Variants in ADRA1A observed in about 807,000 individuals in gnomAD.
ADRA1A encodes adrenoceptor alpha 1A.
Under a neutral mutation model 29.6 loss-of-function variants are expected in ADRA1A, and 31 were observed. The observed-to-expected ratio is 1.05, with a 90% CI of 0.79 to 1.41. The LOEUF is 1.41. ADRA1A is among the 40% of genes most tolerant of loss of function. The pLI, the probability that ADRA1A is intolerant of heterozygous loss-of-function variation, is 0.00. For synonymous variants in ADRA1A, 311 were observed against 254.3 expected (o/e 1.22, Z -2.12); for missense variants, 619 against 601.1 (o/e 1.03, Z -0.31).
rs1210729322 is a variant in ADRA1A at position 26,865,168 on chromosome 8, G to A, written c.-199C>T. 1 of 1,424,988 alleles carries A rather than the reference G, an allele frequency of 7.0e-7. No homozygotes were observed. Among genetic ancestry groups the A allele is most frequent in the East Asian group, 2.6e-5 (1 of 39,054 alleles). 88.3% of individuals were successfully genotyped at this position (1,424,988 alleles called of 1,614,324 possible). On this transcript the variant is annotated 5_prime_UTR_variant, in exon 2 of 3. Coordinates refer to ENST00000380573, the MANE Select transcript of ADRA1A (RefSeq NM_000680.4). The surrounding 1 kb of genome is among the most constrained non-coding windows in gnomAD (Gnocchi z 7.6). ...CCTGGGAACCCTCAGAAGGCCACAT[G>A]AAGGGGCAGGGCATTAAAGACATGG...
chr8:26,867,161 TAAG>T lies in ADRA1A; in HGVS notation c.-915_-913del. On this transcript the variant is annotated 5_prime_UTR_variant, in exon 1 of 3. Coordinates refer to ENST00000380573, the MANE Select transcript of ADRA1A (RefSeq NM_000680.4). Reference sequence around the variant, plus strand: ...CTGCATTTTTTAAAAAGAGTCAAAATAAGAAAAGAAAAAAAAATGCAGATAACC... The same window carrying T: ...CTGCATTTTTTAAAAAGAGTCAAAATAAAAGAAAAAAAAATGCAGATAACC... The T allele has an allele frequency of 1.0e-6, 1 of 984,948 alleles. No individual in the cohort carries two copies. The highest frequency in any genetic ancestry group is 1.1e-4 in the East Asian group (1 of 8,814). 61.0% of individuals were successfully genotyped at this position (984,948 alleles called of 1,614,324 possible).
At chr8:26,842,065 CTCT>C (rs1442085267) in intron 2 of ADRA1A, among the ~76,000 whole-genome samples, 3 of 152,124 alleles carry the variant, frequency 2.0e-5, no homozygotes, top group Non-Finnish European at 2.9e-5. Context: ...ATCTCAAGAG[CTCT>C]TCTTCACCAA....
chr8:26,784,436 T>A (rs1426610247), intron 2 of ADRA1A, among the ~76,000 whole-genome samples: 1 of 152,212 alleles, frequency 6.6e-6, no homozygotes, highest in Non-Finnish European at 1.5e-5. Context: ...AACAATAGTG[T>A]TGGTCAGCAA....
At chr8:26,765,928 C>G, downstream of ADRA1A, 1 of 1,483,612 alleles carries the variant, frequency 6.7e-7, no homozygotes, top group Non-Finnish European at 8.9e-7. Context: ...ATGAAACCTA[C>G]TGGGCCAGAA....
rs190402791 is a variant in ADRA1A at position 26,819,482 on chromosome 8, G to A, written c.883+44605C>T. On this transcript the variant is annotated intron_variant, in intron 2 of 2. Coordinates refer to ENST00000380573, the MANE Select transcript of ADRA1A (RefSeq NM_000680.4). Reference sequence around the variant, plus strand: ...AAATTGTGATATCAATAAATCAAACGTGTGTTGGGGGAGAGAAATTAGAGG... The same window carrying A: ...AAATTGTGATATCAATAAATCAAACATGTGTTGGGGGAGAGAAATTAGAGG... Among the ~76,000 whole-genome samples the A allele has an allele frequency of 2.7e-4, 41 of 152,172 alleles. 1 individual carries two copies. In the South Asian group the frequency reaches 6.2e-3, roughly 23 times the overall value.
rs1249658654 is a variant in ADRA1A at position 26,770,356 on chromosome 8, T to C, written c.1194A>G (p.Lys398=). 2 of 1,613,962 alleles carry C rather than the reference T, an allele frequency of 1.2e-6. No homozygotes were observed. The highest frequency in any genetic ancestry group is 1.7e-6 in the Non-Finnish European group (2 of 1,180,022). The stretch of plus-strand genomic sequence containing the variant: ...ATCCACGGGGCATGGAAGAGAAAAA[T>C]TTCCATTCACAAACGCCATCCGTCT... ...ISKTDGVCEW[K]FFSSMPRGSA... is the part of the protein sequence containing the mutation. Residue 398 remains lysine, a synonymous_variant, in exon 3 of 3, where the codon AAA becomes AAG. Transcript: ENST00000380573.
chr8:26,752,887 A>G (rs1198551178), downstream of ADRA1A, among the ~76,000 whole-genome samples: 1 of 152,228 alleles, frequency 6.6e-6, no homozygotes, highest in East Asian at 1.9e-4. Flanking sequence ...TTATTTCATT[A>G]GCCCAGAAGC....
rs528078049 is a variant in ADRA1A at position 26,836,863 on chromosome 8, G to C, written c.883+27224C>G. 5.3e-5 allele frequency among the ~76,000 whole-genome samples: 8 copies of C among 152,330 alleles called. No individual in the cohort carries two copies. In the South Asian group the frequency reaches 8.3e-4, roughly 16 times the overall value. ...CAGTGGTATTTGGGCTGAGTGGCAA[G>C]TGAAGGGGAGTGCTTAGGTCCCTTC... On this transcript the variant is annotated intron_variant, in intron 2 of 2. Coordinates refer to ENST00000380573, the MANE Select transcript of ADRA1A (RefSeq NM_000680.4).
rs1286052159 is a variant in ADRA1A, at chr8:26,867,158, A to T, written c.-909T>A. ...TACCTGCATTTTTTAAAAAGAGTCAAAATAAGAAAAGAAAAAAAAATGCAG... is the reference window on the plus strand; with the variant it reads ...TACCTGCATTTTTTAAAAAGAGTCATAATAAGAAAAGAAAAAAAAATGCAG... On this transcript the variant is annotated 5_prime_UTR_variant, in exon 1 of 3. In the 5' UTR this introduces an upstream ATG that the reference lacks. Transcript: ENST00000380573. 1 of 985,302 alleles carries T rather than the reference A, an allele frequency of 1.0e-6. No homozygotes were observed. The highest frequency in any genetic ancestry group is 1.1e-4 in the East Asian group (1 of 8,826). 61.0% of individuals were successfully genotyped at this position (985,302 alleles called of 1,614,324 possible). A position where few individuals can be genotyped will look rare whatever the true frequency, so the allele number is the denominator to read the frequency against.
intron 2 of ADRA1A, among the ~76,000 whole-genome samples, chr8:26,853,241 T>C (rs1812765960): frequency 6.6e-6 from 1 of 152,180 alleles, no homozygotes; most frequent in African/African-American, 2.4e-5. Context: ...GACAGTGTCA[T>C]ATCTGTCAAA....
chr8:26,836,614 T>G (rs1358629029), intron 2 of ADRA1A, among the ~76,000 whole-genome samples: 1 of 152,236 alleles, frequency 6.6e-6, no homozygotes, highest in Non-Finnish European at 1.5e-5. Context: ...AGAAGAGACG[T>G]GTAGCGAGTT....
chr8:26,777,853 G>A (rs1228354596), intron 2 of ADRA1A, among the ~76,000 whole-genome samples: 1 of 152,222 alleles, frequency 6.6e-6, no homozygotes, highest in Non-Finnish European at 1.5e-5. Flanking sequence ...GGGCACCCTG[G>A]GGGCCTGCCC....
intron 2 of ADRA1A, among the ~76,000 whole-genome samples, chr8:26,783,440 T>C (rs1414651061): frequency 6.6e-6 from 1 of 152,194 alleles, no homozygotes; most frequent in Non-Finnish European, 1.5e-5. Context: ...GGTTGAGATA[T>C]CAGAATTTAA....
chr8:26,821,918 T>C lies in ADRA1A; in HGVS notation c.883+42169A>G, dbSNP rs1445588084. On this transcript the variant is annotated intron_variant, in intron 2 of 2. Transcript: ENST00000380573. This position sits in a 1 kb window ranked among gnomAD's most constrained non-coding sequence, Gnocchi z 5.6. ...CTCTGGTACTTCATCTAGAGAATGTTGCACATATCAATAGCTTGCTATTTT... is the reference window on the plus strand; with the variant it reads ...CTCTGGTACTTCATCTAGAGAATGTCGCACATATCAATAGCTTGCTATTTT... 6.6e-6 allele frequency among the ~76,000 whole-genome samples: 1 copy of C among 152,266 alleles called. No individual in the cohort carries two copies. The highest frequency in any genetic ancestry group is 1.5e-5 in the Non-Finnish European group (1 of 68,042).
intron 2 of ADRA1A, among the ~76,000 whole-genome samples, chr8:26,830,189 C>T (rs879292424): frequency 1.3e-5 from 2 of 152,212 alleles, no homozygotes; most frequent in African/African-American, 2.4e-5. Flanking sequence ...CCAGGCAGGT[C>T]CCCTGCAGAG....
chr8:26,807,862 T>C (rs1809111352), intron 2 of ADRA1A, among the ~76,000 whole-genome samples: 1 of 152,086 alleles, frequency 6.6e-6, no homozygotes, highest in African/African-American at 2.4e-5. Context: ...TCTGCTCCCC[T>C]CCTCCTTTGC....
chr8:26,865,160 G>C lies in ADRA1A; in HGVS notation c.-191C>G. ...TGGCCAGCCCTGGGAACCCTCAGAAGGCCACATGAAGGGGCAGGGCATTAA... is the reference window on the plus strand; with the variant it reads ...TGGCCAGCCCTGGGAACCCTCAGAACGCCACATGAAGGGGCAGGGCATTAA... On this transcript the variant is annotated 5_prime_UTR_variant, in exon 2 of 3. Coordinates refer to ENST00000380573, the MANE Select transcript of ADRA1A (RefSeq NM_000680.4). This position sits in a 1 kb window ranked among gnomAD's most constrained non-coding sequence, Gnocchi z 7.6. The C allele has an allele frequency of 7.0e-7, 1 of 1,431,446 alleles. No individual in the cohort carries two copies. Among genetic ancestry groups the C allele is most frequent in the Non-Finnish European group, 9.1e-7 (1 of 1,097,704 alleles). The allele number at this position is 1,431,446 out of a possible 1,614,324, so 88.7% of individuals were successfully genotyped here. A position where few individuals can be genotyped will look rare whatever the true frequency, so the allele number is the denominator to read the frequency against.
At chr8:26,845,049 A>G (rs979881068) in intron 2 of ADRA1A, among the ~76,000 whole-genome samples, 1 of 152,218 alleles carries the variant, frequency 6.6e-6, no homozygotes, top group Admixed American at 6.5e-5. Context: ...CCTTAGATAT[A>G]TGACACCAAG....
chr8:26,862,388 A>G (rs911767322), intron 2 of ADRA1A, among the ~76,000 whole-genome samples: 1 of 152,086 alleles, frequency 6.6e-6, no homozygotes, highest in Admixed American at 6.5e-5. Context: ...CATCCTGTTG[A>G]TTTTTTGATA....
Sources: gnomAD v4.1 joint callset for allele counts (sites outside exome capture counted in the v4.1 genomes callset) on GRCh38, gnomAD v4.1.1 for gene constraint, Gnocchi (gnomAD v3.1) non-coding constraint, MANE v1.5 for transcripts, NCBI Gene and HGNC (gene_info 2026-07-23, HGNC 2026-07-21) for gene names.